The following FRAS1 variants were observed in gnomAD, a reference collection of about 807,000 sequenced individuals.
FRAS1 encodes Fraser extracellular matrix complex subunit 1, also known as extracellular matrix organizing protein FRAS1.
In FRAS1, 290 loss-of-function variants were observed where a neutral mutation model predicts 435.2. The ratio of observed to expected loss-of-function variants is 0.67; its 90% confidence interval spans 0.61 to 0.73. The LOEUF is 0.73. Among genes scored for constraint, FRAS1 ranks in the 30% least tolerant of loss-of-function variants. The pLI is 0.00. For synonymous variants in FRAS1, 1,800 were observed against 1,851.0 expected, an observed-to-expected ratio of 0.97 and a Z score of 0.71; for missense variants, 4,860 against 5,001.5, an observed-to-expected ratio of 0.97 and a Z score of 0.85.
chr4:78,405,265 C>T (rs1008735260), intron 30 of FRAS1, among the ~76,000 whole-genome samples: 1 of 152,122 alleles, frequency 6.6e-6, no homozygotes, highest in African/African-American at 2.4e-5. Flanking sequence ...TTTCTACTGT[C>T]CACATTTTCA....
chr4:78,534,023 A>G (rs561983974), intron 70 of FRAS1, among the ~76,000 whole-genome samples: 1 of 152,290 alleles, frequency 6.6e-6, no homozygotes, highest in Non-Finnish European at 1.5e-5. Context: ...GCAAGAGAGT[A>G]TCGCCTAGCA....
intron 33 of FRAS1, among the ~76,000 whole-genome samples, chr4:78,419,535 C>A (rs1028702295): frequency 6.6e-6 from 1 of 152,200 alleles, no homozygotes; most frequent in African/African-American, 2.4e-5. Context: ...TACTCCTCCT[C>A]CTATCTGGGA....
At chr4:78,305,463 G>A (rs1728662335) in intron 14 of FRAS1, among the ~76,000 whole-genome samples, 1 of 150,378 alleles carries the variant, frequency 6.6e-6, no homozygotes, top group Non-Finnish European at 1.5e-5. Flanking sequence ...ACAGTGGGGT[G>A]TTAAAGTCTC....
chr4:78,180,929 G>T, intron 2 of FRAS1: 1 of 1,608,202 alleles, frequency 6.2e-7, no homozygotes. Context: ...TTGACTTGTC[G>T]GTCCTGCTGC....
At chr4:78,140,731 G>A (rs529559104) in intron 2 of FRAS1, among the ~76,000 whole-genome samples, 39 of 143,632 alleles carry the variant, frequency 2.7e-4, no homozygotes, top group African/African-American at 6.6e-4. Flanking sequence ...ATGTATATAC[G>A]TGTGTGTATA....
intron 20 of FRAS1, among the ~76,000 whole-genome samples, chr4:78,357,738 A>C (rs1321786259): frequency 2.0e-5 from 3 of 152,096 alleles, no homozygotes; most frequent in Admixed American, 2.0e-4. Context: ...TCCTGTCTGT[A>C]TGAAAAATAA....
intron 47 of FRAS1, among the ~76,000 whole-genome samples, chr4:78,454,380 T>C (rs1377313348): frequency 6.6e-6 from 1 of 152,014 alleles, no homozygotes; most frequent in Non-Finnish European, 1.5e-5. Flanking sequence ...AGACTGCATC[T>C]GGGTCCAGAG....
intron 16 of FRAS1, 91 bp downstream of exon 16, chr4:78,315,825 G>A (rs893500228): frequency 4.4e-6 from 6 of 1,378,176 alleles, no homozygotes; most frequent in African/African-American, 2.9e-5. Context: ...TTGGGAACTC[G>A]AGTGTATGAT....
chr4:78,334,299 T>C (rs904203922), intron 19 of FRAS1, among the ~76,000 whole-genome samples: 1 of 151,980 alleles, frequency 6.6e-6, no homozygotes, highest in South Asian at 2.1e-4. Flanking sequence ...GTTACATAAT[T>C]GAGAATAAAT....
intron 52 of FRAS1, among the ~76,000 whole-genome samples, chr4:78,472,579 T>C (rs921737301): frequency 2.0e-5 from 3 of 152,218 alleles, no homozygotes; most frequent in Non-Finnish European, 2.9e-5. Context: ...TTGCTCTAAG[T>C]GTTGGCCAGG....
intron 58 of FRAS1, among the ~76,000 whole-genome samples, chr4:78,487,788 T>A (rs1414034285): frequency 6.6e-6 from 1 of 152,198 alleles, no homozygotes; most frequent in East Asian, 1.9e-4. Flanking sequence ...AATTCTATAT[T>A]AGATATTAAT....
chr4:78,503,734 A>T (rs1391748415), intron 61 of FRAS1, among the ~76,000 whole-genome samples: 2 of 152,046 alleles, frequency 1.3e-5, no homozygotes, highest in Non-Finnish European at 2.9e-5. Flanking sequence ...TTCTGATCTT[A>T]GTTATTTCTT....
chr4:78,310,232 G>C (rs1047674663), intron 15 of FRAS1, among the ~76,000 whole-genome samples: 2 of 152,134 alleles, frequency 1.3e-5, no homozygotes, highest in South Asian at 4.1e-4. Flanking sequence ...TCTAAAGGTC[G>C]ACAGATGTCA....
chr4:78,220,912 T>G (rs1724024163), intron 2 of FRAS1, among the ~76,000 whole-genome samples: 1 of 152,278 alleles, frequency 6.6e-6, no homozygotes, highest in South Asian at 2.1e-4. Flanking sequence ...GCATGGTGGC[T>G]CACAACTGAC....
Position 78,541,045 on chromosome 4 carries a change from C to A in FRAS1, c.11960C>A (p.Thr3987Lys), listed in dbSNP as rs371563770. ...NILSEPEAAYTFKGAKVKRLN... is the reference protein window; with the variant it reads ...NILSEPEAAYKFKGAKVKRLN... Reference sequence around the variant, plus strand: ...CTGAGTGAGCCTGAGGCGGCTTACACGTTCAAAGGTGCTAAAGTCAAAAGA... The same window carrying A: ...CTGAGTGAGCCTGAGGCGGCTTACAAGTTCAAAGGTGCTAAAGTCAAAAGA... The change falls in exon 74 of 74, where the codon ACG becomes AAG. Residue 3987 changes from threonine (T) to lysine (K), a missense_variant. Coordinates refer to ENST00000512123, the MANE Select transcript of FRAS1 (RefSeq NM_025074.7). The A allele has an allele frequency of 2.7e-6, 4 of 1,468,064 alleles. No homozygotes were observed. In the South Asian group the frequency reaches 4.8e-5, roughly 18 times the overall value. 90.9% of individuals were successfully genotyped at this position (1,468,064 alleles called of 1,614,324 possible). A position where few individuals can be genotyped will look rare whatever the true frequency, so the allele number is the denominator to read the frequency against.
Position 78,315,595 on chromosome 4 carries a change from T to G in FRAS1, c.1680T>G (p.Ala560=), listed in dbSNP as rs1317053058. Residue 560 remains alanine, a splice_region_variant and synonymous_variant, in exon 16 of 74, where the codon GCT becomes GCG. Coordinates refer to ENST00000512123, the MANE Select transcript of FRAS1 (RefSeq NM_025074.7). The part of the protein sequence containing the change: ...GFYNRQGTCS[A]CDQSCDSCGP... Reference sequence around the variant, plus strand: ...GATGGGTTTTTTGCCTCCCCTTAGCTTGTGACCAATCCTGTGACAGTTGTG... The same window carrying G: ...GATGGGTTTTTTGCCTCCCCTTAGCGTGTGACCAATCCTGTGACAGTTGTG... 3.7e-6 allele frequency: 6 copies of G among 1,609,090 alleles called. No individual in the cohort carries two copies. The highest frequency in any genetic ancestry group is 8.5e-7 in the Non-Finnish European group (1 of 1,177,110).
chr4:78,463,976 G>C (rs187225004), intron 47 of FRAS1, 45 bp from the exon 48 acceptor site: 5 of 1,607,882 alleles, frequency 3.1e-6, no homozygotes, highest in Non-Finnish European at 4.2e-6. Flanking sequence ...TATATGGCTA[G>C]CATTTTAATA....
chr4:78,069,626 G>A (rs4597857), intron 2 of FRAS1, among the ~76,000 whole-genome samples: 33,643 of 151,970 alleles, frequency 0.22, 3,994 homozygotes, highest in African/African-American at 0.29. Flanking sequence ...CCTGAGGGTT[G>A]TTGCAAAGAC....
intron 5 of FRAS1, among the ~76,000 whole-genome samples, chr4:78,252,971 A>C (rs773333504): frequency 6.6e-6 from 1 of 152,174 alleles, no homozygotes; most frequent in Non-Finnish European, 1.5e-5. Flanking sequence ...GAGAGCAAAG[A>C]ACTGGTCTGA....
Sources: allele counts gnomAD v4.1 joint callset (sites outside exome capture counted in the v4.1 genomes callset), GRCh38; gene constraint gnomAD v4.1.1; transcripts MANE v1.5; gene names NCBI Gene and HGNC (gene_info 2026-07-23, HGNC 2026-07-21).